SLC9B2: variants seen among roughly 807,000 people sequenced by gnomAD.
SLC9B2 encodes sodium/hydrogen exchanger 9B2.
In SLC9B2, 39 loss-of-function variants were observed where a neutral mutation model predicts 52.2. That is an observed-to-expected ratio of 0.75 (90% CI 0.58 to 0.98). The LOEUF (loss-of-function observed/expected upper bound fraction) is 0.98, where lower values mean the gene tolerates loss of function less well. SLC9B2 is among the 50% of genes least tolerant of loss of function. The pLI, the probability that SLC9B2 is intolerant of heterozygous loss-of-function variation, is 0.00. For synonymous variants in SLC9B2, 214 were observed against 227.0 expected (o/e 0.94, Z 0.51); for missense variants, 626 against 637.5 (o/e 0.98, Z 0.19).
At chr4:103,039,621 C>T (rs563502059) in intron 9 of SLC9B2, among the ~76,000 whole-genome samples, 2 of 150,950 alleles carry the variant, frequency 1.3e-5, no homozygotes, top group African/African-American at 4.9e-5. Context: ...TTTTGGGGAA[C>T]CATTTTTATA....
At chr4:103,068,161 A>G (rs1746311997) in intron 1 of SLC9B2, among the ~76,000 whole-genome samples, 1 of 152,240 alleles carries the variant, frequency 6.6e-6, no homozygotes, top group African/African-American at 2.4e-5. Context: ...TTCAAAGATT[A>G]CCAAAACATA....
At chr4:103,053,910 G>C (rs1744900940) in intron 4 of SLC9B2, among the ~76,000 whole-genome samples, 1 of 151,992 alleles carries the variant, frequency 6.6e-6, no homozygotes, top group African/African-American at 2.4e-5. Flanking sequence ...TCATCATGTT[G>C]GGCAGGATAG....
At chr4:103,029,762 G>GT (rs1560540731) in intron 10 of SLC9B2, among the ~76,000 whole-genome samples, 1 of 152,110 alleles carries the variant, frequency 6.6e-6, no homozygotes, top group Non-Finnish European at 1.5e-5. Flanking sequence ...TTTGTTGAGT[G>GT]TTTACTCTGT....
At chr4:103,066,816 C>G (rs576217557) in intron 2 of SLC9B2, among the ~76,000 whole-genome samples, 1 of 152,106 alleles carries the variant, frequency 6.6e-6, no homozygotes, top group African/African-American at 2.4e-5. Context: ...AATTCCACAC[C>G]TAAAGTCACA....
At chr4:103,046,910 T>C in intron 7 of SLC9B2, 141 bp downstream of exon 7, 2 of 949,684 alleles carry the variant, frequency 2.1e-6, no homozygotes, top group Non-Finnish European at 3.1e-6. Flanking sequence ...GGACCCTCCT[T>C]AGGTACAGAA....
At chr4:103,045,983 T>C (rs967685824) in intron 7 of SLC9B2, among the ~76,000 whole-genome samples, 1 of 152,152 alleles carries the variant, frequency 6.6e-6, no homozygotes, top group Non-Finnish European at 1.5e-5. Flanking sequence ...TTTGACTTAA[T>C]AGGTAAGAGA....
chr4:103,057,856 A>G lies in SLC9B2; in HGVS notation c.387T>C (p.Gly129=). The change falls in exon 4 of 12, where the codon GGT becomes GGC. Residue 129 remains glycine, a synonymous_variant. Transcript: ENST00000394785. The stretch of plus-strand genomic sequence containing the variant: ...GTAACTTAATAAGCCCCAAAAGTTT[A>G]CCACCAATGATGGCACAATAGAATA... ...IILFYCAIIG[G]KLLGLIKLPT... is the part of the protein sequence containing the mutation. The G allele has an allele frequency of 6.2e-7, 1 of 1,613,782 alleles. No homozygotes were observed. Among genetic ancestry groups the G allele is most frequent in the Non-Finnish European group, 8.5e-7 (1 of 1,179,954 alleles).
chr4:103,026,230 G>T lies in SLC9B2; in HGVS notation c.*140C>A. 2.8e-6 allele frequency: 2 copies of T among 724,452 alleles called. No homozygotes were observed. Among genetic ancestry groups the T allele is most frequent in the Non-Finnish European group, 4.4e-6 (2 of 451,932 alleles). 44.9% of individuals were successfully genotyped at this position (724,452 alleles called of 1,614,324 possible). A position where few individuals can be genotyped will look rare whatever the true frequency, so the allele number is the denominator to read the frequency against. On this transcript the variant is annotated 3_prime_UTR_variant, in exon 12 of 12. Coordinates refer to ENST00000394785, the MANE Select transcript of SLC9B2 (RefSeq NM_178833.7). The stretch of plus-strand genomic sequence containing the variant: ...TTACCACCCACATGGAAAGAGCAAG[G>T]GCTAAAAATGCTGTTTAAAGAAACA...
upstream of SLC9B2, chr4:103,076,985 T>C (rs1747242689): frequency 6.6e-6 from 1 of 152,300 alleles, no homozygotes; most frequent in Admixed American, 6.5e-5. Flanking sequence ...AGACTTGTTC[T>C]GCCCCCCTTT....
At chr4:103,050,897 C>T (rs1425525544) in intron 4 of SLC9B2, among the ~76,000 whole-genome samples, 2 of 152,204 alleles carry the variant, frequency 1.3e-5, no homozygotes, top group East Asian at 1.9e-4. Flanking sequence ...CAGCTGGTGA[C>T]TCTTCTTTCA....
upstream of SLC9B2, chr4:103,077,079 A>G (rs1747250273): frequency 6.6e-6 from 1 of 152,068 alleles, no homozygotes; most frequent in Non-Finnish European, 1.5e-5. Flanking sequence ...TTTAATTCTC[A>G]TTTCATGTTT....
At chr4:103,057,273 T>TATATATATAC (rs1220375909) in intron 4 of SLC9B2, among the ~76,000 whole-genome samples, 70 of 143,274 alleles carry the variant, frequency 4.9e-4, no homozygotes, top group South Asian at 2.2e-3. Context: ...TATATATATA[T>TATATATATAC]ACACACACAC....
intron 1 of SLC9B2, among the ~76,000 whole-genome samples, chr4:103,072,467 C>T (rs191831527): frequency 6.6e-6 from 1 of 152,330 alleles, no homozygotes; most frequent in Non-Finnish European, 1.5e-5. Context: ...CTACTCACCC[C>T]TGTTCCTTCT....
intron 1 of SLC9B2, among the ~76,000 whole-genome samples, chr4:103,073,617 G>A (rs1746862241): frequency 6.6e-6 from 1 of 152,118 alleles, no homozygotes; most frequent in South Asian, 2.1e-4. Context: ...GAAAACAACC[G>A]CTATTTTATT....
At chr4:103,020,134 T>C, downstream of SLC9B2, 1 of 254,712 alleles carries the variant, frequency 3.9e-6, no homozygotes, top group South Asian at 3.6e-5. Context: ...TCTTCTCATC[T>C]GTAAAGGACG....
In SLC9B2 at chr4:103,062,545, A is replaced by G. The variant is rs533567512; in HGVS notation, c.271+3782T>C. On this transcript the variant is annotated intron_variant, in intron 3 of 11. Coordinates refer to ENST00000394785, the MANE Select transcript of SLC9B2 (RefSeq NM_178833.7). ...TATGTCTATAAGGTTTCTCTAAATC[A>G]TGTTTAAATCAGTTAACAATTTACT... is the stretch of plus-strand genomic sequence containing the variant. Among the ~76,000 whole-genome samples, 3 of 152,328 alleles carry G rather than the reference A, an allele frequency of 2.0e-5. No individual in the cohort carries two copies. The East Asian group carries it at 5.8e-4, about 29-fold the overall frequency.
chr4:103,035,871 C>T (rs1235986595), intron 9 of SLC9B2, among the ~76,000 whole-genome samples: 3 of 152,146 alleles, frequency 2.0e-5, no homozygotes, highest in Non-Finnish European at 4.4e-5. Context: ...ACGGAATCAA[C>T]CTACATGCCC....
At chr4:103,058,102 A>C (rs1745315164) in intron 3 of SLC9B2, 131 bp from the exon 4 acceptor site, 2 of 882,744 alleles carry the variant, frequency 2.3e-6, no homozygotes. Context: ...TTAATCTGTA[A>C]AGAGTATCAG....
intron 4 of SLC9B2, among the ~76,000 whole-genome samples, chr4:103,056,534 C>T (rs537468957): frequency 2.6e-5 from 4 of 152,308 alleles, no homozygotes; most frequent in Admixed American, 2.6e-4. Context: ...AGGTGTGAGC[C>T]ACCATGATCG....
Sources: allele counts gnomAD v4.1 joint callset (sites outside exome capture counted in the v4.1 genomes callset), GRCh38; gene constraint gnomAD v4.1.1; transcripts MANE v1.5; gene names NCBI Gene and HGNC (gene_info 2026-07-23, HGNC 2026-07-21).